Variants in ABTB3 observed in about 807,000 individuals in gnomAD.
ABTB3 encodes the protein ankyrin repeat and BTB domain containing 3.
the ABTB3 span, among the ~76,000 whole-genome samples, chr12:107,330,098 A>G: frequency 6.6e-6 from 1 of 152,174 alleles, no homozygotes; most frequent in African/African-American, 2.4e-5. Flanking sequence ...GTGAATGCGA[A>G]CTGCATGTGC....
At chr12:107,628,468 A>C in the ABTB3 span, among the ~76,000 whole-genome samples, 1 of 152,196 alleles carries the variant, frequency 6.6e-6, no homozygotes, top group Non-Finnish European at 1.5e-5. Context: ...ACATGGATTA[A>C]GATAGAGAGC....
At chr12:107,325,087 A>G in the ABTB3 span, among the ~76,000 whole-genome samples, 6 of 152,234 alleles carry the variant, frequency 3.9e-5, no homozygotes, top group Non-Finnish European at 8.8e-5. Context: ...CTTCCTCAAA[A>G]AACAGATTAT....
the ABTB3 span, among the ~76,000 whole-genome samples, chr12:107,385,597 G>T: frequency 6.6e-6 from 1 of 152,134 alleles, no homozygotes; most frequent in Non-Finnish European, 1.5e-5. Context: ...GAGGTGTGGT[G>T]CTTGCTGACT....
At chr12:107,476,605 C>A in the ABTB3 span, among the ~76,000 whole-genome samples, 1 of 151,828 alleles carries the variant, frequency 6.6e-6, no homozygotes, top group Admixed American at 6.6e-5. Flanking sequence ...CCTGACCCTG[C>A]AGGGAAGGGG....
the ABTB3 span, among the ~76,000 whole-genome samples, chr12:107,631,196 G>A: frequency 6.6e-6 from 1 of 152,172 alleles, no homozygotes; most frequent in Admixed American, 6.5e-5. Context: ...GTGAGAACAT[G>A]GGGTATTTGG....
the ABTB3 span, among the ~76,000 whole-genome samples, chr12:107,510,540 G>C: frequency 6.6e-6 from 1 of 152,106 alleles, no homozygotes; most frequent in Admixed American, 6.5e-5. Flanking sequence ...ACAGTGGTAG[G>C]TGCTATAAAG....
chr12:107,596,660 G>A, the ABTB3 span, among the ~76,000 whole-genome samples: 1 of 152,042 alleles, frequency 6.6e-6, no homozygotes, highest in Non-Finnish European at 1.5e-5. Flanking sequence ...TTCAAACACC[G>A]TATTGGCACA....
chr12:107,651,833 G>A, the ABTB3 span: 130 of 1,524,222 alleles, frequency 8.5e-5, 2 homozygotes, highest in Non-Finnish European at 2.1e-5. Context: ...GAGCGCTGAA[G>A]CCGGGGAGGC....
the ABTB3 span, among the ~76,000 whole-genome samples, chr12:107,436,906 T>A: frequency 6.6e-6 from 1 of 152,170 alleles, no homozygotes; most frequent in South Asian, 2.1e-4. Flanking sequence ...TGGTCTCATT[T>A]GAGAGCCTGA....
the ABTB3 span, chr12:107,319,071 C>A: frequency 5.0e-6 from 8 of 1,613,154 alleles, no homozygotes; most frequent in Non-Finnish European, 5.9e-6. Context: ...TCGCACCCGG[C>A]GTCCCCGTAT....
chr12:107,358,385 G>A, the ABTB3 span, among the ~76,000 whole-genome samples: 1 of 152,210 alleles, frequency 6.6e-6, no homozygotes, highest in Non-Finnish European at 1.5e-5. Flanking sequence ...ATGTGCAAAA[G>A]CACTGAAGTA....
chr12:107,498,130 G>A, the ABTB3 span, among the ~76,000 whole-genome samples: 1 of 152,244 alleles, frequency 6.6e-6, no homozygotes, highest in Non-Finnish European at 1.5e-5. Flanking sequence ...GCCAGAAAAA[G>A]TGATTCAGAT....
the ABTB3 span, among the ~76,000 whole-genome samples, chr12:107,350,325 G>A: frequency 6.6e-6 from 1 of 152,034 alleles, no homozygotes; most frequent in South Asian, 2.1e-4. Flanking sequence ...GCCGAGGCGA[G>A]GGATCACGAG....
chr12:107,375,128 C>T, the ABTB3 span, among the ~76,000 whole-genome samples: 3 of 152,132 alleles, frequency 2.0e-5, no homozygotes, highest in Non-Finnish European at 2.9e-5. Context: ...TTTAAAATAA[C>T]AGTAGTGGCT....
chr12:107,597,384 C>CCAAG, the ABTB3 span, among the ~76,000 whole-genome samples: 2 of 152,094 alleles, frequency 1.3e-5, no homozygotes, highest in Non-Finnish European at 2.9e-5. Flanking sequence ...TCTGGAAAGT[C>CCAAG]CAAGAGTGTA....
the ABTB3 span, among the ~76,000 whole-genome samples, chr12:107,479,569 G>A: frequency 2.6e-5 from 4 of 152,182 alleles, no homozygotes; most frequent in South Asian, 8.3e-4. Context: ...ATTATTCCTA[G>A]TTTCCTTCTT....
At chr12:107,436,499 CA>C in the ABTB3 span, among the ~76,000 whole-genome samples, 1 of 152,164 alleles carries the variant, frequency 6.6e-6, no homozygotes, top group African/African-American at 2.4e-5. Flanking sequence ...GGCAGGCAGT[CA>C]GGGGTATGGC....
At chr12:107,440,692 G>A in the ABTB3 span, among the ~76,000 whole-genome samples, 1 of 152,090 alleles carries the variant, frequency 6.6e-6, no homozygotes, top group African/African-American at 2.4e-5. Flanking sequence ...GAACCTACGT[G>A]TCACATGGTA....
At chr12:107,528,140 C>T in the ABTB3 span, among the ~76,000 whole-genome samples, 2 of 152,258 alleles carry the variant, frequency 1.3e-5, no homozygotes, top group South Asian at 2.1e-4. Flanking sequence ...GACTCTTTGT[C>T]CTAGGGTGGT....
Sources: gnomAD v4.1 joint callset for allele counts (sites outside exome capture counted in the v4.1 genomes callset) on GRCh38, gnomAD v4.1.1 for gene constraint, MANE v1.5 for transcripts, NCBI Gene and HGNC (gene_info 2026-07-23, HGNC 2026-07-21) for gene names.